XPNPEP3: variants seen among roughly 807,000 people sequenced by gnomAD.
XPNPEP3 encodes X-prolyl aminopeptidase 3, also known as xaa-Pro aminopeptidase 3.
Under a neutral mutation model 60.0 loss-of-function variants are expected in XPNPEP3, and 41 were observed. That is an observed-to-expected ratio of 0.68 (90% CI 0.53 to 0.89). XPNPEP3 has a LOEUF of 0.89. Among genes scored for constraint, XPNPEP3 ranks in the 40% least tolerant of loss-of-function variants. XPNPEP3 has a pLI of 0.00. For synonymous variants in XPNPEP3, 212 were observed against 223.2 expected, an observed-to-expected ratio of 0.95 and a Z score of 0.45; for missense variants, 598 against 638.9, an observed-to-expected ratio of 0.94 and a Z score of 0.69.
At chr22:40,896,861 A>G (rs958379119) in intron 4 of XPNPEP3, among the ~76,000 whole-genome samples, 2 of 152,048 alleles carry the variant, frequency 1.3e-5, no homozygotes, top group African/African-American at 4.8e-5. Flanking sequence ...GACTCTGCCT[A>G]TTCTAATTAC....
rs185482443 is a variant in XPNPEP3, at chr22:40,903,554, G to T, written c.793-4033G>T. On this transcript the variant is annotated intron_variant, in intron 4 of 9. Transcript: ENST00000357137. The stretch of plus-strand genomic sequence containing the variant: ...CGCCCAGGCTGGAGTGCAGTGGTGC[G>T]ATCTAGGCTCACTGCAACCTCCGCC... Among the ~76,000 whole-genome samples, 44 of 151,272 alleles carry T rather than the reference G, an allele frequency of 2.9e-4. 1 individual carries two copies. The highest frequency in any genetic ancestry group is 5.3e-4 in the Non-Finnish European group (36 of 67,904).
At chr22:40,913,245 C>T (rs948644306) in intron 6 of XPNPEP3, among the ~76,000 whole-genome samples, 1 of 151,806 alleles carries the variant, frequency 6.6e-6, no homozygotes, top group African/African-American at 2.4e-5. Context: ...CCGAGGCAGG[C>T]GGATTATGAG....
At chr22:40,880,078 C>T (rs924178417) in intron 2 of XPNPEP3, among the ~76,000 whole-genome samples, 7 of 141,398 alleles carry the variant, frequency 5.0e-5, no homozygotes, top group East Asian at 2.0e-4. Flanking sequence ...ATATACTGAA[C>T]ATGAGTACTA....
chr22:40,906,735 T>A (rs1308503046), intron 4 of XPNPEP3, among the ~76,000 whole-genome samples: 3 of 152,190 alleles, frequency 2.0e-5, no homozygotes, highest in Non-Finnish European at 4.4e-5. Flanking sequence ...AAATAACAAA[T>A]GTATATCTTA....
chr22:40,877,785 T>G (rs1404915973), intron 2 of XPNPEP3, among the ~76,000 whole-genome samples: 1 of 152,220 alleles, frequency 6.6e-6, no homozygotes, highest in Non-Finnish European at 1.5e-5. Flanking sequence ...CAGGCCAGAT[T>G]GACTATAAAG....
rs2058096618 is a variant in XPNPEP3, at chr22:40,893,528, AG to A, written c.792+7014del. On this transcript the variant is annotated intron_variant, in intron 4 of 9. Coordinates refer to ENST00000357137, the MANE Select transcript of XPNPEP3 (RefSeq NM_022098.4). Reference sequence around the variant, plus strand: ...CTCAAAAAAAAAAAAAAAAAAAAAAAGATGCATCCTGTGAAACAGGAATCAA... The same window carrying A: ...CTCAAAAAAAAAAAAAAAAAAAAAAAATGCATCCTGTGAAACAGGAATCAA... Among the ~76,000 whole-genome samples, 3 of 150,262 alleles carry A rather than the reference AG, an allele frequency of 2.0e-5. No individual in the cohort carries two copies. The South Asian group carries it at 6.3e-4, about 32-fold the overall frequency.
At chr22:40,867,232 A>G (rs2057982998) in intron 1 of XPNPEP3, among the ~76,000 whole-genome samples, 1 of 152,240 alleles carries the variant, frequency 6.6e-6, no homozygotes. Context: ...AATCTGGACA[A>G]GGTTACACAC....
chr22:40,861,181 A>G (rs761769762), intron 1 of XPNPEP3: 1 of 1,614,106 alleles, frequency 6.2e-7, no homozygotes, highest in Non-Finnish European at 8.5e-7. Context: ...CTGGTAACCC[A>G]AGATATACCT....
At chr22:40,917,743 G>A (rs917630979) in intron 7 of XPNPEP3, 2 of 152,040 alleles carry the variant, frequency 1.3e-5, no homozygotes, top group Admixed American at 6.6e-5. Context: ...AACATTAAAA[G>A]TGCTTCCTTC....
rs1036475610 is a variant in XPNPEP3, at chr22:40,882,157, A to G, written c.569A>G (p.His190Arg). 1 of 1,614,182 alleles carries G rather than the reference A, an allele frequency of 6.2e-7. No homozygotes were observed. Among genetic ancestry groups the G allele is most frequent in the South Asian group, 1.1e-5 (1 of 91,086 alleles). Residue 190 changes from histidine (H) to arginine (R), a missense_variant, in exon 3 of 10, where the codon CAT (histidine) becomes CGT (arginine). Coordinates refer to ENST00000357137, the MANE Select transcript of XPNPEP3 (RefSeq NM_022098.4). ...GCCTATACGCTAGAAGAATTTCAAC[A>G]TCTTCTACCAAAAATGAAAGGTAAC... The part of the protein sequence containing the change: ...DEAYTLEEFQ[H>R]LLPKMKAETN...
intron 4 of XPNPEP3, among the ~76,000 whole-genome samples, chr22:40,892,236 G>T (rs2058091058): frequency 6.6e-6 from 1 of 151,838 alleles, no homozygotes; most frequent in Non-Finnish European, 1.5e-5. Context: ...CCAGGCTGGA[G>T]AGCAGTGGCA....
intron 1 of XPNPEP3, chr22:40,862,096 T>G: frequency 4.6e-6 from 7 of 1,511,364 alleles, no homozygotes; most frequent in Non-Finnish European, 6.2e-6. Flanking sequence ...TGACTGCAAA[T>G]AGGTACACTT....
chr22:40,861,286 A>G (rs751586840), intron 1 of XPNPEP3: 4 of 1,614,088 alleles, frequency 2.5e-6, no homozygotes, highest in African/African-American at 1.3e-5. Flanking sequence ...CTCCAGCTGC[A>G]TTCTTTTGCA....
intron 2 of XPNPEP3, among the ~76,000 whole-genome samples, chr22:40,875,029 T>G (rs962119975): frequency 6.6e-6 from 1 of 152,218 alleles, no homozygotes; most frequent in Non-Finnish European, 1.5e-5. Context: ...GATAGAATAG[T>G]AGACTAAAAG....
intron 6 of XPNPEP3, among the ~76,000 whole-genome samples, chr22:40,912,153 T>C (rs1344516494): frequency 6.6e-6 from 1 of 152,192 alleles, no homozygotes; most frequent in Non-Finnish European, 1.5e-5. Flanking sequence ...ATAAATATTA[T>C]AAAATTTTCT....
chr22:40,921,265 G>T (rs1464241385), intron 7 of XPNPEP3, among the ~76,000 whole-genome samples: 1 of 152,082 alleles, frequency 6.6e-6, no homozygotes, highest in Non-Finnish European at 1.5e-5. Context: ...TTCTCAGACG[G>T]GGGTGGAAGG....
At chr22:40,908,321 A>G (rs1217439908) in intron 5 of XPNPEP3, among the ~76,000 whole-genome samples, 2 of 152,054 alleles carry the variant, frequency 1.3e-5, no homozygotes, top group Non-Finnish European at 2.9e-5. Flanking sequence ...GGAGTTTGAG[A>G]CCAGCCTGGG....
rs960607465 is a variant in XPNPEP3 at position 40,868,983 on chromosome 22, T to C, written c.65-16T>C. 9 of 1,589,620 alleles carry C rather than the reference T, an allele frequency of 5.7e-6. No homozygotes were observed. The African/African-American group carries it at 1.1e-4, about 19-fold the overall frequency. On this transcript the variant is annotated splice_polypyrimidine_tract_variant and intron_variant, in intron 1 of 9. Coordinates refer to ENST00000357137, the MANE Select transcript of XPNPEP3 (RefSeq NM_022098.4). ...AGATCTATTGTTTCATTTCATTCTC[T>C]TTATTCTTCATTCAGGATGTATGTT...
rs1394431157 is a variant in XPNPEP3 at position 40,926,586 on chromosome 22, G to A, written c.*151G>A. 1.9e-6 allele frequency: 2 copies of A among 1,033,272 alleles called. No homozygotes were observed. Among genetic ancestry groups the A allele is most frequent in the South Asian group, 1.3e-5 (1 of 75,690 alleles). 64.0% of individuals were successfully genotyped at this position (1,033,272 alleles called of 1,614,324 possible). The stretch of plus-strand genomic sequence containing the variant: ...TGTGTGAATGTATGTAATTGTGTGT[G>A]GGGGGTTTTTTGTTTTAAGTAGTTA... On this transcript the variant is annotated 3_prime_UTR_variant, in exon 10 of 10. Transcript: ENST00000357137.
Sources: allele counts gnomAD v4.1 joint callset (sites outside exome capture counted in the v4.1 genomes callset), GRCh38; gene constraint gnomAD v4.1.1; transcripts MANE v1.5; gene names NCBI Gene and HGNC (gene_info 2026-07-23, HGNC 2026-07-21).